UGT1A7: variants seen among roughly 807,000 people sequenced by gnomAD.
UGT1A7 encodes UDP-glucuronosyltransferase 1A7.
Under a neutral mutation model 45.6 loss-of-function variants are expected in UGT1A7, and 33 were observed. That is an observed-to-expected ratio of 0.72 (90% confidence interval 0.55 to 0.97). The LOEUF (loss-of-function observed/expected upper bound fraction) is 0.97. Among genes scored for constraint, UGT1A7 ranks in the 50% least tolerant of loss-of-function variants. The pLI, the probability that UGT1A7 is intolerant of heterozygous loss-of-function variation, is 0.00. For synonymous variants in UGT1A7, 274 were observed against 250.6 expected (o/e 1.09, Z -0.88); for missense variants, 684 against 666.2 (o/e 1.03, Z -0.29).
chr2:233,718,788 G>A, intron 1 of UGT1A7: 1 of 1,613,102 alleles, frequency 6.2e-7, no homozygotes, highest in Non-Finnish European at 8.5e-7. Context: ...ACAGCGTGGG[G>A]TGGACAGTCA....
chr2:233,754,489 A>T, intron 1 of UGT1A7: 1 of 357,276 alleles, frequency 2.8e-6, no homozygotes. Context: ...TTTCAATCCT[A>T]AAAAAAGTCC....
At position 233,681,970 on chromosome 2, in the gene UGT1A7, C is replaced by A. The variant is rs7577677; in HGVS notation, c.33C>A (p.Pro11=). ...GTGCAGGGTGGACTGGCCTCCTTCC[C>A]CTATATGTGTGTCTACTGCTGACCT... MARAGWTGLL[P]LYVCLLLTCG... Residue 11 remains proline (P), a synonymous_variant, in exon 1 of 5, where the codon CCC becomes CCA. Coordinates refer to ENST00000373426, the MANE Select transcript of UGT1A7 (RefSeq NM_019077.3). 603,341 of 1,613,798 alleles carry A rather than the reference C, an allele frequency of 0.37. 115,635 individuals carry two copies. The highest frequency in any genetic ancestry group is 0.41 in the South Asian group (37,458 of 91,050).
rs1249331325 is a variant in UGT1A7 at position 233,743,910 on chromosome 2, C to T, written c.856-23124C>T. ...GGCACGTCCAGCACCTCGTAGTAGT[C>T]CACCATGCTGGATGGCCAGAACGGC... On this transcript the variant is annotated intron_variant, in intron 1 of 4. Coordinates refer to ENST00000373426, the MANE Select transcript of UGT1A7 (RefSeq NM_019077.3). The T allele has an allele frequency of 1.3e-5, 18 of 1,365,836 alleles. No homozygotes were observed. In the South Asian group the frequency reaches 2.0e-4, roughly 16 times the overall value. The allele number at this position is 1,365,836 out of a possible 1,614,324, so 84.6% of individuals were successfully genotyped here.
At chr2:233,736,043 T>C (rs984870391) in intron 1 of UGT1A7, among the ~76,000 whole-genome samples, 7 of 152,202 alleles carry the variant, frequency 4.6e-5, no homozygotes, top group South Asian at 2.1e-4. Context: ...TTTCCTGAAT[T>C]TGAATGTTGG....
chr2:233,721,049 T>C (rs1041518517), intron 1 of UGT1A7, among the ~76,000 whole-genome samples: 1 of 152,122 alleles, frequency 6.6e-6, no homozygotes, highest in Non-Finnish European at 1.5e-5. Context: ...GAGCCCTTTT[T>C]TGTCATATTC....
intron 1 of UGT1A7, among the ~76,000 whole-genome samples, chr2:233,766,438 G>A (rs1233276669): frequency 2.6e-5 from 4 of 152,194 alleles, no homozygotes; most frequent in Non-Finnish European, 5.9e-5. Flanking sequence ...AGCTACCTGT[G>A]TGTCTGCCTG....
chr2:233,717,065 A>G (rs1043172308), intron 1 of UGT1A7, among the ~76,000 whole-genome samples: 4 of 152,172 alleles, frequency 2.6e-5, no homozygotes, highest in Admixed American at 6.5e-5. Context: ...TAGGAGTGCC[A>G]GACACGTAAC....
intron 1 of UGT1A7, among the ~76,000 whole-genome samples, chr2:233,696,259 G>A (rs1003470757): frequency 2.0e-5 from 3 of 152,170 alleles, no homozygotes; most frequent in Non-Finnish European, 4.4e-5. Context: ...ACACATCAGT[G>A]AATGAATGGA....
chr2:233,692,672 T>C (rs1295423428), intron 1 of UGT1A7, among the ~76,000 whole-genome samples: 1 of 152,104 alleles, frequency 6.6e-6, no homozygotes, highest in Non-Finnish European at 1.5e-5. Flanking sequence ...GGATAGAGAA[T>C]TGGCAGGGGG....
rs944013638 is a variant in UGT1A7, at chr2:233,769,033, G to A, written c.1295+594G>A. 3.3e-5 allele frequency among the ~76,000 whole-genome samples: 5 copies of A among 152,006 alleles called. No individual in the cohort carries two copies. Among genetic ancestry groups the A allele is most frequent in the Admixed American group, 3.3e-4 (5 of 15,274 alleles). ...ATTTACATAAAAAGTTGCCATAATA[G>A]ACATCTGATCCATAAGTTTCCTGCA... On this transcript the variant is annotated intron_variant, in intron 4 of 4. Coordinates refer to ENST00000373426, the MANE Select transcript of UGT1A7 (RefSeq NM_019077.3). This position sits in a 1 kb window ranked among gnomAD's most constrained non-coding sequence, Gnocchi z 4.4.
chr2:233,766,561 C>T (rs1699182212), intron 1 of UGT1A7, among the ~76,000 whole-genome samples: 1 of 152,200 alleles, frequency 6.6e-6, no homozygotes, highest in Non-Finnish European at 1.5e-5. Context: ...CACCTAGGTC[C>T]ATGGGCACAG....
intron 1 of UGT1A7, among the ~76,000 whole-genome samples, chr2:233,739,434 A>G (rs369218024): frequency 2.4e-4 from 37 of 152,256 alleles, no homozygotes; most frequent in African/African-American, 8.2e-4. Context: ...CGAGGGCTTT[A>G]CCCTGCAAAG....
At position 233,743,716 on chromosome 2, in the gene UGT1A7, G is replaced by A. The variant is rs779950685; in HGVS notation, c.856-23318G>A. ...CGCCCTCCGCCCCCGCCTCGCCATA[G>A]CGGTCATAGATATCGCGTTTCTTGG... On this transcript the variant is annotated intron_variant, in intron 1 of 4. Coordinates refer to ENST00000373426, the MANE Select transcript of UGT1A7 (RefSeq NM_019077.3). 152 of 1,367,230 alleles carry A rather than the reference G, an allele frequency of 1.1e-4. 1 individual carries two copies. The highest frequency in any genetic ancestry group is 6.5e-5 in the Non-Finnish European group (66 of 1,021,862). The allele number at this position is 1,367,230 out of a possible 1,614,324, so 84.7% of individuals were successfully genotyped here.
At chr2:233,716,018 G>C (rs2076483229) in intron 1 of UGT1A7, among the ~76,000 whole-genome samples, 1 of 152,128 alleles carries the variant, frequency 6.6e-6, no homozygotes, top group Non-Finnish European at 1.5e-5. Flanking sequence ...TAATCTGATA[G>C]TTTCTTTTGA....
At chr2:233,757,562 GTATATA>G (rs1491042837) in intron 1 of UGT1A7, among the ~76,000 whole-genome samples, 1 of 90,870 alleles carries the variant, frequency 1.1e-5, no homozygotes, top group South Asian at 4.4e-4. Context: ...ATATATATAT[GTATATA>G]TGATATAGCT....
At chr2:233,714,277 A>C (rs892739336) in intron 1 of UGT1A7, among the ~76,000 whole-genome samples, 6 of 152,178 alleles carry the variant, frequency 3.9e-5, no homozygotes, top group African/African-American at 1.4e-4. Context: ...TTGACGTGAC[A>C]ATTTTTAGTG....
At position 233,773,221 on chromosome 2, in the gene UGT1A7, T is replaced by C. The variant is rs1191094075; in HGVS notation, c.*662T>C. ...ATTTGATAAAAACCCAAAATACAGC[T>C]ATGAAGTGCTGGGCAAGTTTACTTT... On this transcript the variant is annotated 3_prime_UTR_variant, in exon 5 of 5. Coordinates refer to ENST00000373426, the MANE Select transcript of UGT1A7 (RefSeq NM_019077.3). The C allele has an allele frequency of 6.6e-6, 1 of 152,384 alleles. No individual in the cohort carries two copies. The highest frequency in any genetic ancestry group is 2.4e-5 in the African/African-American group (1 of 41,462). 9.4% of individuals were successfully genotyped at this position (152,384 alleles called of 1,614,324 possible). A position where few individuals can be genotyped will look rare whatever the true frequency, so the allele number is the denominator to read the frequency against.
intron 1 of UGT1A7, among the ~76,000 whole-genome samples, chr2:233,758,415 C>A (rs917812043): frequency 6.6e-6 from 1 of 152,194 alleles, no homozygotes; most frequent in African/African-American, 2.4e-5. Flanking sequence ...TGTCTATAAT[C>A]TGCAAATGAA....
intron 1 of UGT1A7, chr2:233,693,199 G>A: frequency 6.2e-7 from 1 of 1,614,108 alleles, no homozygotes; most frequent in Non-Finnish European, 8.5e-7. Context: ...AAGTTAATTT[G>A]CTTTTGAAAG....
Sources: gnomAD v4.1 joint callset for allele counts (sites outside exome capture counted in the v4.1 genomes callset) on GRCh38, gnomAD v4.1.1 for gene constraint, Gnocchi (gnomAD v3.1) non-coding constraint, MANE v1.5 for transcripts, NCBI Gene and HGNC (gene_info 2026-07-23, HGNC 2026-07-21) for gene names.